Variants in M1AP observed in about 807,000 individuals in gnomAD.
The protein encoded by M1AP is meiosis 1 associated protein.
In M1AP, 39 loss-of-function variants were observed where a neutral mutation model predicts 51.2. That is an observed-to-expected ratio of 0.76 (90% CI 0.59 to 1.00). The LOEUF (loss-of-function observed/expected upper bound fraction) is 1.00, where lower values mean the gene tolerates loss of function less well. Ranked by LOEUF, M1AP falls within the 50% of genes least tolerant of loss-of-function variation. The probability of loss-of-function intolerance (pLI) is 0.00; values close to 1 mark genes in which losing one functional copy is unlikely to be tolerated. For missense variants in M1AP, 545 were observed against 641.2 expected (o/e 0.85, Z 1.62); for synonymous variants, 251 against 249.2 (o/e 1.01, Z -0.07).
At chr2:74,613,833 C>G (rs1681506436) in intron 3 of M1AP, among the ~76,000 whole-genome samples, 1 of 152,192 alleles carries the variant, frequency 6.6e-6, no homozygotes. Flanking sequence ...GTAAAACTCA[C>G]AAAAGTGTGG....
intron 9 of M1AP, 37 bp from the exon 10 acceptor site, chr2:74,559,746 A>T (rs1314039298): frequency 2.8e-6 from 2 of 718,088 alleles, no homozygotes; most frequent in Non-Finnish European, 5.2e-6. Context: ...ATAAGCAAGC[A>T]CTTATCATAA....
In M1AP at chr2:74,621,410, G is replaced by A. The variant is rs547563934; in HGVS notation, c.241-6261C>T. On this transcript the variant is annotated intron_variant, in intron 2 of 10. Transcript: ENST00000421985. ...AATATGGCAGCCACTGGCCGCCTGT[G>A]GTTATTATCTGAGACGTGGCTACTC... 2.0e-5 allele frequency among the ~76,000 whole-genome samples: 3 copies of A among 152,254 alleles called. No homozygotes were observed. In the East Asian group the frequency reaches 5.8e-4, roughly 29 times the overall value.
intron 2 of M1AP, among the ~76,000 whole-genome samples, chr2:74,630,642 T>G (rs1371156805): frequency 6.6e-6 from 1 of 152,168 alleles, no homozygotes; most frequent in Non-Finnish European, 1.5e-5. Flanking sequence ...TTCCTCCATG[T>G]CCCTGCAAAG....
At chr2:74,645,036 G>A (rs548316291) in intron 1 of M1AP, among the ~76,000 whole-genome samples, 38 of 152,210 alleles carry the variant, frequency 2.5e-4, no homozygotes, top group Non-Finnish European at 4.3e-4. Flanking sequence ...AATAAATCTT[G>A]CCGCTGCTCA....
chr2:74,605,516 A>G (rs1210687171), intron 4 of M1AP, among the ~76,000 whole-genome samples: 3 of 152,188 alleles, frequency 2.0e-5, no homozygotes, highest in Non-Finnish European at 4.4e-5. Context: ...ACATTTTTAC[A>G]TGTACAGTAG....
At chr2:74,620,269 A>G (rs1432766378) in intron 2 of M1AP, among the ~76,000 whole-genome samples, 1 of 152,234 alleles carries the variant, frequency 6.6e-6, no homozygotes, top group Non-Finnish European at 1.5e-5. Flanking sequence ...CAGTTATTTG[A>G]GGCTTTCTTT....
chr2:74,618,690 A>T (rs1385173206), intron 2 of M1AP, among the ~76,000 whole-genome samples: 6 of 152,338 alleles, frequency 3.9e-5, no homozygotes, highest in South Asian at 2.1e-4. Flanking sequence ...CACTTGACAG[A>T]TTAGTGTCTT....
chr2:74,590,630 T>C (rs1679987128), intron 4 of M1AP, among the ~76,000 whole-genome samples: 1 of 152,104 alleles, frequency 6.6e-6, no homozygotes, highest in African/African-American at 2.4e-5. Flanking sequence ...CTTAGGCTTG[T>C]GTGTTTCTAA....
intron 5 of M1AP, among the ~76,000 whole-genome samples, chr2:74,578,601 C>A (rs1175234992): frequency 6.6e-6 from 1 of 152,134 alleles, no homozygotes; most frequent in Non-Finnish European, 1.5e-5. Context: ...TGTGCTTCTC[C>A]CACCCAGAGC....
At chr2:74,590,682 G>A (rs1258871093) in intron 4 of M1AP, among the ~76,000 whole-genome samples, 1 of 152,128 alleles carries the variant, frequency 6.6e-6, no homozygotes, top group Non-Finnish European at 1.5e-5. Flanking sequence ...AAGCTGCACT[G>A]CACCCCTCAC....
intron 3 of M1AP, 27 bp from the exon 4 acceptor site, chr2:74,607,250 G>A (rs767390821): frequency 1.2e-6 from 2 of 1,608,518 alleles, no homozygotes; most frequent in African/African-American, 2.7e-5. Context: ...GAATCAATGT[G>A]TCTATTCTCC....
chr2:74,561,325 A>G (rs1677996989), intron 8 of M1AP, among the ~76,000 whole-genome samples: 1 of 152,100 alleles, frequency 6.6e-6, no homozygotes, highest in African/African-American at 2.4e-5. Context: ...ATCTGCATCT[A>G]TCACATCTCA....
intron 7 of M1AP, 65 bp downstream of exon 7, chr2:74,575,373 T>C (rs1298017825): frequency 2.5e-6 from 4 of 1,602,146 alleles, no homozygotes; most frequent in Non-Finnish European, 3.4e-6. Context: ...GTTAGTTAGC[T>C]GCTTTTCTGT....
At position 74,576,578 on chromosome 2, in the gene M1AP, T is replaced by A; in HGVS notation, c.810A>T (p.Pro270=). The change falls in exon 6 of 11, where the codon CCA becomes CCT. Residue 270 remains proline, a synonymous_variant. Coordinates refer to ENST00000421985, the MANE Select transcript of M1AP (RefSeq NM_001321739.2). ...CGTCAGCTGTGCCAGCGAGTAGGGATGGGCAGAGCAGTCGCTCTTGGAGAT... is the reference window on the plus strand; with the variant it reads ...CGTCAGCTGTGCCAGCGAGTAGGGAAGGGCAGAGCAGTCGCTCTTGGAGAT... ...KCDLQERLLC[P]SLLAGTADGS... The A allele has an allele frequency of 6.2e-7, 1 of 1,614,118 alleles. No individual in the cohort carries two copies. The highest frequency in any genetic ancestry group is 8.5e-7 in the Non-Finnish European group (1 of 1,179,980).
intron 4 of M1AP, among the ~76,000 whole-genome samples, chr2:74,595,183 T>C (rs1680258938): frequency 6.6e-6 from 1 of 151,984 alleles, no homozygotes; most frequent in African/African-American, 2.4e-5. Context: ...ACCTGGCTAA[T>C]TTTTTGATTT....
In M1AP at chr2:74,612,235, A is replaced by C. The variant is rs184498041; in HGVS notation, c.426+2729T>G. On this transcript the variant is annotated intron_variant, in intron 3 of 10. Coordinates refer to ENST00000421985, the MANE Select transcript of M1AP (RefSeq NM_001321739.2). ...AACTTTTATGTTTTTGTTTGTTTTT[A>C]AGAGACAAGGTCTTGCTCTGTCACC... 8.0e-4 allele frequency among the ~76,000 whole-genome samples: 121 copies of C among 151,528 alleles called. No individual in the cohort carries two copies. The Middle Eastern group carries it at 0.01, about 13-fold the overall frequency.
intron 8 of M1AP, among the ~76,000 whole-genome samples, chr2:74,560,692 C>G (rs1221391328): frequency 6.6e-6 from 1 of 152,122 alleles, no homozygotes; most frequent in African/African-American, 2.4e-5. Flanking sequence ...AGTTCTCAGC[C>G]TAGAGGTGAG....
chr2:74,579,032 T>C (rs926721096), intron 5 of M1AP, among the ~76,000 whole-genome samples: 1 of 152,228 alleles, frequency 6.6e-6, no homozygotes, highest in Admixed American at 6.5e-5. Flanking sequence ...CCTAAACATC[T>C]GGATTCCAGT....
rs1179622585 is a variant in M1AP at position 74,574,983 on chromosome 2, T to A, written c.1074+455A>T. ...TCTCATAATTAAGAATATATACATT[T>A]CTGTTTCTTCCATTGGAGAGTGGGT... On this transcript the variant is annotated intron_variant, in intron 7 of 10. Transcript: ENST00000421985. Among the ~76,000 whole-genome samples the A allele has an allele frequency of 2.0e-5, 3 of 152,366 alleles. No individual in the cohort carries two copies. In the East Asian group the frequency reaches 5.8e-4, roughly 29 times the overall value.
Sources: allele counts gnomAD v4.1 joint callset (sites outside exome capture counted in the v4.1 genomes callset), GRCh38; gene constraint gnomAD v4.1.1; transcripts MANE v1.5; gene names NCBI Gene and HGNC (gene_info 2026-07-23, HGNC 2026-07-21).